The following ELP5 variants were observed in gnomAD, a reference collection of about 807,000 sequenced individuals.
The protein encoded by ELP5 is elongator acetyltransferase complex subunit 5, also known as elongator complex protein 5.
ELP5 carries 34 observed loss-of-function variants against 33.4 expected under a neutral mutation model. The ratio of observed to expected loss-of-function variants is 1.02; its 90% CI spans 0.78 to 1.36. ELP5 has a LOEUF of 1.36. Among genes scored for constraint, ELP5 ranks in the 40% most tolerant of loss-of-function variants. The pLI, the probability that ELP5 is intolerant of heterozygous loss-of-function variation, is 0.00. For missense variants in ELP5, 373 were observed against 371.7 expected (o/e 1.00, Z -0.03); for synonymous variants, 161 against 146.4 (o/e 1.10, Z -0.72).
chr17:7,259,449 G>A, intron 7 of ELP5, 122 bp from the exon 8 acceptor site: 1 of 1,519,854 alleles, frequency 6.6e-7, no homozygotes, highest in South Asian at 1.3e-5. Context: ...AAGGGACTTG[G>A]ACCAATAAAA....
chr17:7,257,843 GCAGATT>G (rs2072111657), intron 5 of ELP5, among the ~76,000 whole-genome samples: 1 of 152,222 alleles, frequency 6.6e-6, no homozygotes, highest in Non-Finnish European at 1.5e-5. Context: ...GCCGAGGTGG[GCAGATT>G]GTGAGGTCAG....
Position 7,254,585 on chromosome 17 carries a change from T to G in ELP5, c.191T>G (p.Leu64Arg), listed in dbSNP as rs1463203070. Reference protein sequence around the residue: ...EGFDSDINNRLVYHDFFRDPL... With the variant: ...EGFDSDINNRRVYHDFFRDPL... ...TGTGTCTTATTTTCCCTTTGCAGGC[T>G]GGTTTACCATGACTTCTTCAGAGAC... The change falls in exon 4 of 8, where the codon CTG (leucine) becomes CGG (arginine). Residue 64 changes from leucine to arginine, a missense_variant and splice_region_variant. Transcript: ENST00000396628. 6.2e-7 allele frequency: 1 copy of G among 1,606,146 alleles called. No homozygotes were observed. The highest frequency in any genetic ancestry group is 8.5e-7 in the Non-Finnish European group (1 of 1,173,892).
At position 7,259,616 on chromosome 17, in the gene ELP5, C is replaced by T; in HGVS notation, c.834C>T (p.His278=). ...LRPRPGQATS[H]IFYEPDAYDD... is the part of the protein sequence containing the mutation. Reference sequence around the variant, plus strand: ...CTAGGCCAGGGCAGGCTACCAGCCACATCTTCTATGAGCCAGATGCTTATG... The same window carrying T: ...CTAGGCCAGGGCAGGCTACCAGCCATATCTTCTATGAGCCAGATGCTTATG... The change falls in exon 8 of 8, where the codon CAC becomes CAT. Residue 278 remains histidine (H), a synonymous_variant. Transcript: ENST00000396628. 6.2e-7 allele frequency: 1 copy of T among 1,614,274 alleles called. No homozygotes were observed. The highest frequency in any genetic ancestry group is 8.5e-7 in the Non-Finnish European group (1 of 1,180,052).
rs749357266 is a variant in ELP5 at position 7,258,826 on chromosome 17, G to A, written c.688G>A (p.Val230Met). Residue 230 changes from valine (V) to methionine (M), a missense_variant and splice_region_variant, in exon 7 of 8, where the codon GTG becomes ATG. By Grantham distance (21) the Val-to-Met change is conservative. Transcript: ENST00000396628. Reference protein sequence around the residue: ...QPYSDPHIPPVDPTTHLTFNL... With the variant: ...QPYSDPHIPPMDPTTHLTFNL... ...GTGGCAGCATCCTTTGTACCTACAG[G>A]TGGATCCCACAACTCATTTGACCTT... 4 of 1,614,158 alleles carry A rather than the reference G, an allele frequency of 2.5e-6. No homozygotes were observed. The highest frequency in any genetic ancestry group is 1.1e-5 in the South Asian group (1 of 91,082).
At chr17:7,255,011 T>A (rs921797850) in intron 4 of ELP5, 1 of 578,814 alleles carries the variant, frequency 1.7e-6, no homozygotes, top group Non-Finnish European at 3.0e-6. Flanking sequence ...ATTTTTTTAC[T>A]CATTTGTTTC....
chr17:7,255,000 T>G (rs1282295686), intron 4 of ELP5, 197 bp downstream of exon 4: 1 of 580,124 alleles, frequency 1.7e-6, no homozygotes, highest in African/African-American at 1.9e-5. Flanking sequence ...TTCTCCAAGT[T>G]ATTTTTTTAC....
In ELP5 at chr17:7,256,845, GTCC is replaced by G. The variant is rs1567592812; in HGVS notation, c.410-6_410-4del. On this transcript the variant is annotated splice_polypyrimidine_tract_variant and intron_variant, in intron 4 of 7. Coordinates refer to ENST00000396628, the MANE Select transcript of ELP5 (RefSeq NM_203414.3). ...TGCTCCCTACTATCCTACATTTCTT[GTCC>G]TCCTCTAGGTGACAGCTCCTCAGTG... is the stretch of plus-strand genomic sequence containing the variant. 1.2e-6 allele frequency: 2 copies of G among 1,614,058 alleles called. No homozygotes were observed. The highest frequency in any genetic ancestry group is 1.7e-6 in the Non-Finnish European group (2 of 1,179,936).
intron 7 of ELP5, 52 bp from the exon 8 acceptor site, chr17:7,259,519 C>G: frequency 6.2e-7 from 1 of 1,609,622 alleles, no homozygotes; most frequent in Non-Finnish European, 8.5e-7. Flanking sequence ...AAGAAAGTAT[C>G]CAGACCCAAC....
In ELP5 at chr17:7,252,433, T is replaced by C; in HGVS notation, c.-118T>C. On this transcript the variant is annotated 5_prime_UTR_variant, in exon 1 of 8. Transcript: ENST00000396628. ...AATCACCTCTCATTCCAGACTATGT[T>C]AGGTCTTAATGGTGGGAGGACGCCC... 2.8e-6 allele frequency: 4 copies of C among 1,454,366 alleles called. No homozygotes were observed. Among genetic ancestry groups the C allele is most frequent in the Non-Finnish European group, 3.8e-6 (4 of 1,047,048 alleles). The allele number at this position is 1,454,366 out of a possible 1,614,324, so 90.1% of individuals were successfully genotyped here. A position where few individuals can be genotyped will look rare whatever the true frequency, so the allele number is the denominator to read the frequency against.
rs774390946 is a variant in ELP5, at chr17:7,257,065, G to A, written c.591+27G>A. On this transcript the variant is annotated intron_variant, in intron 5 of 7. Coordinates refer to ENST00000396628, the MANE Select transcript of ELP5 (RefSeq NM_203414.3). The stretch of plus-strand genomic sequence containing the variant: ...TCAGAAGAACCAACAGAGAAGGACT[G>A]GAAACGGGGGACAGAGAAAGGGGTG... 2.0e-6 allele frequency: 3 copies of A among 1,518,840 alleles called. No individual in the cohort carries two copies. The Admixed American group carries it at 6.5e-5, about 33-fold the overall frequency. 94.1% of individuals were successfully genotyped at this position (1,518,840 alleles called of 1,614,324 possible). A position where few individuals can be genotyped will look rare whatever the true frequency, so the allele number is the denominator to read the frequency against.
intron 4 of ELP5, among the ~76,000 whole-genome samples, chr17:7,255,525 T>C (rs1400117399): frequency 1.4e-5 from 2 of 142,250 alleles, no homozygotes; most frequent in Non-Finnish European, 3.0e-5. Context: ...AGACTCCATC[T>C]CAAAAAAAAA....
chr17:7,252,920 G>T lies in ELP5; in HGVS notation c.110G>T (p.Gly37Val). The change falls in exon 3 of 8, where the codon GGG becomes GTG. Residue 37 changes from glycine (G) to valine (V), a missense_variant and splice_region_variant. Coordinates refer to ENST00000396628, the MANE Select transcript of ELP5 (RefSeq NM_203414.3). Reference protein sequence around the residue: ...KALVKKSALCGEQVHILGCEV... With the variant: ...KALVKKSALCVEQVHILGCEV... ...ATCCCTTCTCATCTCTGCCTTAGTG[G>T]GGAGCAAGTGCATATCCTGGGCTGT... 1 of 1,614,190 alleles carries T rather than the reference G, an allele frequency of 6.2e-7. No homozygotes were observed. The highest frequency in any genetic ancestry group is 8.5e-7 in the Non-Finnish European group (1 of 1,180,038).
rs754523640 is a variant in ELP5, at chr17:7,252,481, CGAG to C, written c.-64_-62del. ...CCCGAGTGCTCGGCCCGTTTCACCC[CGAG>C]GAGGAAGGACACTGGGTCATGACGC... is the stretch of plus-strand genomic sequence containing the variant. On this transcript the variant is annotated 5_prime_UTR_variant, in exon 1 of 8. Transcript: ENST00000396628. 223 of 1,611,462 alleles carry C rather than the reference CGAG, an allele frequency of 1.4e-4. 3 individuals carry two copies. In the South Asian group the frequency reaches 2.2e-3, roughly 16 times the overall value.
Position 7,259,648 on chromosome 17 carries a change from T to C in ELP5, c.866T>C (p.Leu289Pro). ...IFYEPDAYDD[L>P]DQEDPDDDLD... ...TATGAGCCAGATGCTTATGATGACCTGGACCAAGAAGACCCAGATGACGAC... is the reference window on the plus strand; with the variant it reads ...TATGAGCCAGATGCTTATGATGACCCGGACCAAGAAGACCCAGATGACGAC... Residue 289 changes from leucine (L) to proline (P), a missense_variant, in exon 8 of 8, where the codon CTG becomes CCG. By Grantham distance (98) the Leu-to-Pro change is moderately conservative (BLOSUM62 -3). Coordinates refer to ENST00000396628, the MANE Select transcript of ELP5 (RefSeq NM_203414.3). 1 of 1,614,232 alleles carries C rather than the reference T, an allele frequency of 6.2e-7. No individual in the cohort carries two copies. The highest frequency in any genetic ancestry group is 8.5e-7 in the Non-Finnish European group (1 of 1,180,026).
intron 3 of ELP5, 93 bp downstream of exon 3, chr17:7,253,091 G>A (rs2071988912): frequency 1.7e-6 from 2 of 1,207,272 alleles, no homozygotes; most frequent in Non-Finnish European, 2.5e-6. Flanking sequence ...GTATGTAGTA[G>A]CAGTTCCTTA....
Position 7,258,834 on chromosome 17 carries a change from C to T in ELP5, c.696C>T (p.Pro232=). 6.2e-7 allele frequency: 1 copy of T among 1,614,106 alleles called. No individual in the cohort carries two copies. Among genetic ancestry groups the T allele is most frequent in the South Asian group, 1.1e-5 (1 of 91,074 alleles). The change falls in exon 7 of 8, where the codon CCC becomes CCT. Residue 232 remains proline, a synonymous_variant. Coordinates refer to ENST00000396628, the MANE Select transcript of ELP5 (RefSeq NM_203414.3). ...YSDPHIPPVD[P]TTHLTFNLHL... is the part of the protein sequence containing the mutation. The stretch of plus-strand genomic sequence containing the variant: ...ATCCTTTGTACCTACAGGTGGATCC[C>T]ACAACTCATTTGACCTTTAACCTTC...
intron 6 of ELP5, 54 bp downstream of exon 6, chr17:7,258,737 C>T (rs116903547): frequency 6.7e-5 from 108 of 1,613,724 alleles, no homozygotes; most frequent in East Asian, 1.3e-4. Context: ...TATCTGGTCA[C>T]GGGAGAGAAA....
At chr17:7,253,077 C>G in intron 3 of ELP5, 79 bp downstream of exon 3, 1 of 1,377,854 alleles carries the variant, frequency 7.3e-7, no homozygotes, top group Non-Finnish European at 1.0e-6. Context: ...AAGCGCAGAA[C>G]CTGGTATGTA....
At chr17:7,252,076 A>G (rs917949672), upstream of ELP5, 3 of 260,246 alleles carry the variant, frequency 1.2e-5, no homozygotes, top group East Asian at 2.5e-4. Context: ...TGCGCGGTCT[A>G]TGGCGGGTAG....
Sources: allele counts gnomAD v4.1 joint callset (sites outside exome capture counted in the v4.1 genomes callset), GRCh38; gene constraint gnomAD v4.1.1; transcripts MANE v1.5; gene names NCBI Gene and HGNC (gene_info 2026-07-23, HGNC 2026-07-21).